The following ACSF2 variants were observed in gnomAD, a reference collection of about 807,000 sequenced individuals.
The protein encoded by ACSF2 is medium-chain acyl-CoA ligase ACSF2, mitochondrial.
In ACSF2, 52 loss-of-function variants were observed where a neutral mutation model predicts 79.3. That is an observed-to-expected ratio of 0.66 (90% CI 0.53 to 0.83). The LOEUF is 0.83. Among genes scored for constraint, ACSF2 ranks in the 40% least tolerant of loss-of-function variants. The pLI, the probability that ACSF2 is intolerant of heterozygous loss-of-function variation, is 0.00. For synonymous variants in ACSF2, 283 were observed against 312.6 expected, an observed-to-expected ratio of 0.91 and a Z score of 1.00; for missense variants, 661 against 803.3, an observed-to-expected ratio of 0.82 and a Z score of 2.14.
chr17:50,443,053 G>T (rs1476114115), intron 1 of ACSF2, among the ~76,000 whole-genome samples: 1 of 152,010 alleles, frequency 6.6e-6, no homozygotes, highest in Non-Finnish European at 1.5e-5. Flanking sequence ...GGGACTATGG[G>T]TGCACGCCAC....
rs34405131 is a variant in ACSF2, at chr17:50,465,416, C to T, written c.1215+1122C>T. The T allele has an allele frequency of 9.0e-5, 145 of 1,613,744 alleles. No homozygotes were observed. In the Admixed American group the frequency reaches 1.5e-3, roughly 17 times the overall value. The stretch of plus-strand genomic sequence containing the variant: ...AGGTGAGGCACAGGTGGCATCTGGG[C>T]GGGAGGCCTTGGCTTCCAGCCACCT... On this transcript the variant is annotated intron_variant, in intron 10 of 15. Transcript: ENST00000300441.
Position 50,463,250 on chromosome 17 carries a change from A to C in ACSF2, c.887A>C (p.Lys296Thr). Residue 296 changes from lysine (K) to threonine (T), a missense_variant and splice_region_variant, in exon 7 of 16, where the codon AAG (lysine) becomes ACG (threonine). Physicochemically the swap from Lys to Thr is moderately conservative, Grantham distance 78. Coordinates refer to ENST00000300441, the MANE Select transcript of ACSF2 (RefSeq NM_025149.6). The surrounding 1 kb of genome is among the most constrained non-coding windows in gnomAD (Gnocchi z 4.6). ...ILGERLKLHE[K>T]TPEQLRMILP... The stretch of plus-strand genomic sequence containing the variant: ...GGAGAGCGCCTGAAACTGCATGAGA[A>C]GGTGAGGCGGCACTAGGCCCAGGGC... 3 of 1,614,044 alleles carry C rather than the reference A, an allele frequency of 1.9e-6. No homozygotes were observed. Among genetic ancestry groups the C allele is most frequent in the Non-Finnish European group, 2.5e-6 (3 of 1,179,998 alleles).
At chr17:50,461,183 G>A in intron 2 of ACSF2, 59 bp from the exon 3 acceptor site, 1 of 1,610,934 alleles carries the variant, frequency 6.2e-7, no homozygotes, top group East Asian at 2.2e-5. Context: ...GAGGGTGGGA[G>A]TCTTGGGCCC....
Position 50,459,555 on chromosome 17 carries a change from C to T in ACSF2, c.129-1122C>T, listed in dbSNP as rs561510566. ...GAGCCACCATGCCTGGCTCAGGTGC[C>T]ACAGTTAATAAAAGGTGGGGAAAGT... On this transcript the variant is annotated intron_variant, in intron 1 of 15. Coordinates refer to ENST00000300441, the MANE Select transcript of ACSF2 (RefSeq NM_025149.6). 1.1e-3 allele frequency among the ~76,000 whole-genome samples: 174 copies of T among 152,246 alleles called. 1 individual carries two copies. Among genetic ancestry groups the T allele is most frequent in the Admixed American group, 4.0e-3 (61 of 15,286 alleles).
rs886335785 is a variant in ACSF2 at position 50,474,627 on chromosome 17, A to C, written c.*75A>C. ...GAATGCAACCTGGCTTTATGCACCT[A>C]GATGTCCCCAGCACCCAGTTCTGAG... On this transcript the variant is annotated 3_prime_UTR_variant, in exon 16 of 16. Transcript: ENST00000300441. This position sits in a 1 kb window ranked among gnomAD's most constrained non-coding sequence, Gnocchi z 4.2. The C allele has an allele frequency of 2.5e-5, 35 of 1,420,094 alleles. No homozygotes were observed. The highest frequency in any genetic ancestry group is 3.4e-5 in the Non-Finnish European group (34 of 1,006,864). The allele number at this position is 1,420,094 out of a possible 1,614,324, so 88.0% of individuals were successfully genotyped here.
intron 10 of ACSF2, chr17:50,468,684 G>T (rs2032918299): frequency 1.4e-5 from 22 of 1,613,788 alleles, no homozygotes; most frequent in Non-Finnish European, 1.9e-5. Flanking sequence ...GGGATCTTCT[G>T]CAGCCCCACC....
Position 50,474,769 on chromosome 17 carries a change from C to T in ACSF2, c.*217C>T. On this transcript the variant is annotated 3_prime_UTR_variant, in exon 16 of 16. Coordinates refer to ENST00000300441, the MANE Select transcript of ACSF2 (RefSeq NM_025149.6). The surrounding 1 kb of genome is among the most constrained non-coding windows in gnomAD (Gnocchi z 4.2). ...CAGGCAGCCTGCCCAGGCCCTCCCT[C>T]CTGTCCATCCCCCACATTCCCCTGT... 1.8e-6 allele frequency: 1 copy of T among 570,008 alleles called. No homozygotes were observed. Among genetic ancestry groups the T allele is most frequent in the South Asian group, 2.2e-5 (1 of 46,478 alleles). The allele number at this position is 570,008 out of a possible 1,614,324, so 35.3% of individuals were successfully genotyped here. A position where few individuals can be genotyped will look rare whatever the true frequency, so the allele number is the denominator to read the frequency against.
rs528332175 is a variant in ACSF2, at chr17:50,436,407, G to T, written c.128+10018G>T. 2.0e-5 allele frequency among the ~76,000 whole-genome samples: 3 copies of T among 151,608 alleles called. No homozygotes were observed. The East Asian group carries it at 5.8e-4, about 30-fold the overall frequency. On this transcript the variant is annotated intron_variant, in intron 1 of 15. Coordinates refer to ENST00000300441, the MANE Select transcript of ACSF2 (RefSeq NM_025149.6). Reference sequence around the variant, plus strand: ...GCCTCCCAAAGTGCTGGGATTACAGGCGTGAGCCACCACGCCCGGCCTGTT... The same window carrying T: ...GCCTCCCAAAGTGCTGGGATTACAGTCGTGAGCCACCACGCCCGGCCTGTT...
rs779249488 is a variant in ACSF2 at position 50,463,203 on chromosome 17, T to C, written c.840T>C (p.Ile280=). 2.5e-6 allele frequency: 4 copies of C among 1,613,874 alleles called. No individual in the cohort carries two copies. Among genetic ancestry groups the C allele is most frequent in the Non-Finnish European group, 3.4e-6 (4 of 1,180,022 alleles). ...PKGATLSHYN[I]VNNSNILGER... Reference sequence around the variant, plus strand: ...GGGCCACCCTCTCCCACTACAACATTGTCAACAACTCCAACATTTTAGGAG... The same window carrying C: ...GGGCCACCCTCTCCCACTACAACATCGTCAACAACTCCAACATTTTAGGAG... Residue 280 remains isoleucine (I), a synonymous_variant, in exon 7 of 16, where the codon ATT becomes ATC. Coordinates refer to ENST00000300441, the MANE Select transcript of ACSF2 (RefSeq NM_025149.6). This position sits in a 1 kb window ranked among gnomAD's most constrained non-coding sequence, Gnocchi z 4.6.
At chr17:50,456,231 C>T (rs1598413443) in intron 1 of ACSF2, among the ~76,000 whole-genome samples, 1 of 152,276 alleles carries the variant, frequency 6.6e-6, no homozygotes, top group African/African-American at 2.4e-5. Context: ...AGATCCAAAC[C>T]CCCAGGCTGA....
rs138527449 is a variant in ACSF2, at chr17:50,465,331, G to A, written c.1215+1037G>A. 6.0e-4 allele frequency: 973 copies of A among 1,614,076 alleles called. 3 individuals carry two copies. In the African/African-American group the frequency reaches 0.011, roughly 19 times the overall value. On this transcript the variant is annotated intron_variant, in intron 10 of 15. Coordinates refer to ENST00000300441, the MANE Select transcript of ACSF2 (RefSeq NM_025149.6). ...GGCCAGCTTTCTTGGACCTCTTGGT[G>A]GGGAACTTGCAGCTGCGGAAGGCGT... is the stretch of plus-strand genomic sequence containing the variant.
intron 1 of ACSF2, among the ~76,000 whole-genome samples, chr17:50,434,439 C>A (rs71379402): frequency 0.27 from 40,334 of 152,022 alleles, 5,519 homozygotes; most frequent in Middle Eastern, 0.33. Context: ...GCAATCCCAG[C>A]ACTTTGGGAG....
intron 10 of ACSF2, chr17:50,469,966 A>G: frequency 6.6e-6 from 1 of 152,392 alleles, no homozygotes; most frequent in Non-Finnish European, 1.5e-5. Context: ...TGGAAAGGGG[A>G]GGGTGAGCAG....
At chr17:50,436,125 A>AT (rs1230163212) in intron 1 of ACSF2, among the ~76,000 whole-genome samples, 2 of 150,528 alleles carry the variant, frequency 1.3e-5, no homozygotes, top group African/African-American at 4.9e-5. Context: ...GTTATTTTTT[A>AT]TTTTTTTTAT....
At chr17:50,432,760 C>G (rs148652174) in intron 1 of ACSF2, among the ~76,000 whole-genome samples, 47 of 152,328 alleles carry the variant, frequency 3.1e-4, no homozygotes, top group African/African-American at 1.1e-3. Flanking sequence ...AATCCCAGTC[C>G]TACCAGTCCT....
chr17:50,461,208 C>G (rs1283383410), intron 2 of ACSF2, 34 bp from the exon 3 acceptor site: 1 of 1,613,684 alleles, frequency 6.2e-7, no homozygotes, highest in African/African-American at 1.3e-5. Flanking sequence ...CTGCTTGCCC[C>G]CTTTCACCCC....
rs1345682475 is a variant in ACSF2 at position 50,466,091 on chromosome 17, CT to C, written c.1215+1810del. Among the ~76,000 whole-genome samples the C allele has an allele frequency of 3.5e-3, 423 of 120,136 alleles. 1 individual carries two copies. Among genetic ancestry groups the C allele is most frequent in the African/African-American group, 0.011 (326 of 31,042 alleles). 78.8% of individuals were successfully genotyped at this position (120,136 alleles called of 152,430 possible). ...TTATTTTCTTTTTTTTTTTTTTTTC[CT>C]TTTTTTTTTTTTGAGATGGAGTCTC... On this transcript the variant is annotated intron_variant, in intron 10 of 15. Transcript: ENST00000300441.
In ACSF2 at chr17:50,461,189, G is replaced by A. The variant is rs201198840; in HGVS notation, c.325-53G>A. 4.5e-4 allele frequency: 729 copies of A among 1,611,940 alleles called. 4 individuals carry two copies. The African/African-American group carries it at 9.1e-3, about 20-fold the overall frequency. ...CTAAGGGCTGAGGGTGGGAGTCTTGGGCCCCTTCCTGCTTGCCCCCTTTCA... is the reference window on the plus strand; with the variant it reads ...CTAAGGGCTGAGGGTGGGAGTCTTGAGCCCCTTCCTGCTTGCCCCCTTTCA... On this transcript the variant is annotated intron_variant, in intron 2 of 15. Transcript: ENST00000300441.
In ACSF2 at chr17:50,426,309, G is replaced by A. The variant is rs764164943; in HGVS notation, c.48G>A (p.Gly16=). 1.4e-5 allele frequency: 20 copies of A among 1,415,954 alleles called. No homozygotes were observed. Among genetic ancestry groups the A allele is most frequent in the South Asian group, 4.9e-5 (3 of 60,750 alleles). The allele number at this position is 1,415,954 out of a possible 1,614,324, so 87.7% of individuals were successfully genotyped here. A position where few individuals can be genotyped will look rare whatever the true frequency, so the allele number is the denominator to read the frequency against. ...GMLRLGRLCA[G]SSGVLGARAA... is the part of the protein sequence containing the mutation. ...TGCGCCTGGGGAGGCTGTGCGCCGGGAGCTCGGGGGTGCTGGGGGCCCGGG... is the reference window on the plus strand; with the variant it reads ...TGCGCCTGGGGAGGCTGTGCGCCGGAAGCTCGGGGGTGCTGGGGGCCCGGG... The change falls in exon 1 of 16, where the codon GGG becomes GGA. Residue 16 remains glycine (G), a synonymous_variant. Coordinates refer to ENST00000300441, the MANE Select transcript of ACSF2 (RefSeq NM_025149.6).
Sources: gnomAD v4.1 joint callset for allele counts (sites outside exome capture counted in the v4.1 genomes callset) on GRCh38, gnomAD v4.1.1 for gene constraint, Gnocchi (gnomAD v3.1) non-coding constraint, MANE v1.5 for transcripts, NCBI Gene and HGNC (gene_info 2026-07-23, HGNC 2026-07-21) for gene names.